The following KCNT2 variants were observed in gnomAD, a reference collection of about 807,000 sequenced individuals.
KCNT2 encodes potassium channel subfamily T member 2.
KCNT2 carries 67 observed loss-of-function variants against 153.8 expected under a neutral mutation model. The observed-to-expected ratio is 0.44, with a 90% CI of 0.36 to 0.53. KCNT2 has a LOEUF of 0.53. Among genes scored for constraint, KCNT2 ranks in the 20% least tolerant of loss-of-function variants. The pLI is 0.00. For missense variants in KCNT2, 975 were observed against 1,354.8 expected (o/e 0.72, Z 4.40); for synonymous variants, 500 against 458.8 (o/e 1.09, Z -1.15).
intron 1 of KCNT2, among the ~76,000 whole-genome samples, chr1:196,595,131 T>C (rs929807170): frequency 1.3e-5 from 2 of 151,664 alleles, no homozygotes; most frequent in South Asian, 2.1e-4. Flanking sequence ...TAAGATAGGA[T>C]GAAACTGTAC....
intron 19 of KCNT2, among the ~76,000 whole-genome samples, chr1:196,322,826 G>T (rs978431682): frequency 6.6e-6 from 1 of 151,658 alleles, no homozygotes; most frequent in Non-Finnish European, 1.5e-5. Flanking sequence ...TTTATTCCTT[G>T]CTAGACAATA....
intron 14 of KCNT2, among the ~76,000 whole-genome samples, chr1:196,361,526 G>C (rs1000529694): frequency 1.3e-5 from 2 of 152,014 alleles, no homozygotes; most frequent in African/African-American, 4.8e-5. Flanking sequence ...AAGCTTGCCA[G>C]AAGATGACAT....
intron 13 of KCNT2, among the ~76,000 whole-genome samples, chr1:196,376,028 C>A (rs556756853): frequency 6.6e-6 from 1 of 151,886 alleles, no homozygotes; most frequent in South Asian, 2.1e-4. Context: ...AGGTCCAAAT[C>A]CATCCTTCCT....
chr1:196,335,303 C>T (rs916317804), intron 16 of KCNT2, among the ~76,000 whole-genome samples: 4 of 152,086 alleles, frequency 2.6e-5, no homozygotes, highest in Non-Finnish European at 5.9e-5. Flanking sequence ...ATTCAAACAT[C>T]ATACTTACAC....
intron 1 of KCNT2, among the ~76,000 whole-genome samples, chr1:196,546,370 T>C (rs1657101509): frequency 6.6e-6 from 1 of 152,092 alleles, no homozygotes; most frequent in Non-Finnish European, 1.5e-5. Context: ...ATATATCTTC[T>C]GAAAGATGGA....
chr1:196,407,848 AT>A (rs35602884), intron 12 of KCNT2, among the ~76,000 whole-genome samples: 21 of 148,918 alleles, frequency 1.4e-4, no homozygotes, highest in South Asian at 8.5e-4. Context: ...AATAAAAACA[AT>A]TTTTTTTTTT....
In KCNT2 at chr1:196,227,489, G is replaced by A. The variant is rs1660971502; in HGVS notation, c.*735C>T. 6.6e-6 allele frequency: 1 copy of A among 151,986 alleles called. No individual in the cohort carries two copies. The highest frequency in any genetic ancestry group is 1.5e-5 in the Non-Finnish European group (1 of 67,884). 9.4% of individuals were successfully genotyped at this position (151,986 alleles called of 1,614,324 possible). The stretch of plus-strand genomic sequence containing the variant: ...TAGGCATTCGTTTAGGAGAATAATA[G>A]ATATTTGCTTTATAGTATGCTTTTC... On this transcript the variant is annotated 3_prime_UTR_variant, in exon 28 of 28. Coordinates refer to ENST00000294725, the MANE Select transcript of KCNT2 (RefSeq NM_198503.5).
intron 1 of KCNT2, among the ~76,000 whole-genome samples, chr1:196,518,101 G>A (rs1412207299): frequency 6.6e-6 from 1 of 152,146 alleles, no homozygotes; most frequent in Admixed American, 6.5e-5. Flanking sequence ...GGCATTGGCA[G>A]CTTGCATTCA....
chr1:196,567,206 G>A (rs1572851608), intron 1 of KCNT2, among the ~76,000 whole-genome samples: 2 of 151,558 alleles, frequency 1.3e-5, no homozygotes, highest in South Asian at 4.2e-4. Context: ...CTACTTGAAC[G>A]TTAATGTTTT....
chr1:196,510,261 A>G (rs1681499342), intron 1 of KCNT2, among the ~76,000 whole-genome samples: 2 of 152,132 alleles, frequency 1.3e-5, no homozygotes, highest in South Asian at 4.1e-4. Flanking sequence ...TAACTTATCA[A>G]GAGGAACTAT....
chr1:196,271,895 T>C (rs1207454171), intron 25 of KCNT2, among the ~76,000 whole-genome samples: 1 of 151,934 alleles, frequency 6.6e-6, no homozygotes, highest in African/African-American at 2.4e-5. Flanking sequence ...TGAGGTGGTA[T>C]CATCCACCCA....
chr1:196,561,781 A>G (rs1659450455), intron 1 of KCNT2, among the ~76,000 whole-genome samples: 1 of 151,658 alleles, frequency 6.6e-6, no homozygotes, highest in Non-Finnish European at 1.5e-5. Flanking sequence ...GGTTTTATAC[A>G]TTTTAGGCAG....
intron 1 of KCNT2, among the ~76,000 whole-genome samples, chr1:196,528,652 C>T (rs535555540): frequency 2.6e-5 from 4 of 152,102 alleles, no homozygotes; most frequent in African/African-American, 9.7e-5. Context: ...AAAACAGAAT[C>T]ATTAATGGAG....
Position 196,319,491 on chromosome 1 carries a change from T to C in KCNT2, c.2341A>G (p.Ile781Val). 1 of 1,609,520 alleles carries C rather than the reference T, an allele frequency of 6.2e-7. No homozygotes were observed. Among genetic ancestry groups the C allele is most frequent in the Non-Finnish European group, 8.5e-7 (1 of 1,176,904 alleles). The change falls in exon 20 of 28, where the codon ATT becomes GTT. Residue 781 changes from isoleucine (I) to valine (V), a missense_variant. Physicochemically the swap from Ile to Val is conservative, Grantham distance 29. Around this residue, in one of 6 missense-constraint regions of KCNT2, gnomAD observed 325 missense variants for 388.1 expected, o/e 0.84. Coordinates refer to ENST00000294725, the MANE Select transcript of KCNT2 (RefSeq NM_198503.5). Reference sequence around the variant, plus strand: ...AAAGATTTTGTCACCTACTTGTCAATAGAGCCCACCATGTAGTAAACCATT... The same window carrying C: ...AAAGATTTTGTCACCTACTTGTCAACAGAGCCCACCATGTAGTAAACCATT... Reference protein sequence around the residue: ...FPMVYYMVGSIDNLDDLLRCG... With the variant: ...FPMVYYMVGSVDNLDDLLRCG...
At chr1:196,405,131 A>G (rs1671722915) in intron 12 of KCNT2, among the ~76,000 whole-genome samples, 1 of 151,634 alleles carries the variant, frequency 6.6e-6, no homozygotes, top group East Asian at 2.0e-4. Flanking sequence ...TAATACAGAT[A>G]ATTAAACTAA....
chr1:196,305,004 A>G (rs1314481857), intron 22 of KCNT2, among the ~76,000 whole-genome samples: 3 of 152,168 alleles, frequency 2.0e-5, no homozygotes. Context: ...TTTAATACTT[A>G]ATAATAATAG....
intron 26 of KCNT2, among the ~76,000 whole-genome samples, chr1:196,246,616 A>G (rs1373195703): frequency 6.6e-6 from 1 of 152,160 alleles, no homozygotes; most frequent in Non-Finnish European, 1.5e-5. Context: ...AAAAAGTTAA[A>G]AAGTGGAGGA....
intron 26 of KCNT2, among the ~76,000 whole-genome samples, chr1:196,246,810 T>C (rs1655490079): frequency 6.6e-6 from 1 of 151,930 alleles, no homozygotes; most frequent in Non-Finnish European, 1.5e-5. Flanking sequence ...AATTAAAGTA[T>C]ACCACCAGAG....
chr1:196,285,786 T>C (rs1259718166), intron 22 of KCNT2, 28 bp from the exon 23 acceptor site: 6 of 1,342,014 alleles, frequency 4.5e-6, no homozygotes, highest in Admixed American at 1.7e-5. Context: ...ATAGAAAAAT[T>C]TGTGAGCATT....
Sources: allele counts gnomAD v4.1 joint callset (sites outside exome capture counted in the v4.1 genomes callset), GRCh38; gene constraint gnomAD v4.1.1; regional missense constraint gnomAD v4.1.1; transcripts MANE v1.5; gene names NCBI Gene and HGNC (gene_info 2026-07-23, HGNC 2026-07-21).